The following NFIA variants were observed in gnomAD, a reference collection of about 807,000 sequenced individuals.
NFIA encodes nuclear factor I A, also known as nuclear factor 1 A-type.
Under a neutral mutation model 62.8 loss-of-function variants are expected in NFIA, and 8 were observed. That is an observed-to-expected ratio of 0.13 (90% CI 0.07 to 0.23). The LOEUF is 0.23. Ranked by LOEUF, NFIA falls within the 10% of genes least tolerant of loss-of-function variation. NFIA has a pLI of 1.00. For missense variants in NFIA, 410 were observed against 642.1 expected (o/e 0.64, Z 3.91); for synonymous variants, 235 against 238.1 (o/e 0.99, Z 0.12).
intron 2 of NFIA, among the ~76,000 whole-genome samples, chr1:61,096,370 T>C (rs572728366): frequency 6.6e-6 from 1 of 150,930 alleles, no homozygotes; most frequent in Non-Finnish European, 1.5e-5. Context: ...TGCACCCCCA[T>C]GCATGTAATT....
At chr1:61,193,511 AAT>A (rs1651784923) in intron 2 of NFIA, among the ~76,000 whole-genome samples, 1 of 152,214 alleles carries the variant, frequency 6.6e-6, no homozygotes, top group African/African-American at 2.4e-5. Context: ...AGGTGAAACA[AAT>A]AGTTTTTAAT....
intron 2 of NFIA, among the ~76,000 whole-genome samples, chr1:61,158,172 G>A (rs1011300527): frequency 2.6e-5 from 4 of 152,140 alleles, no homozygotes. Context: ...TTTCATCTTT[G>A]AAAATAATAG....
intron 3 of NFIA, among the ~76,000 whole-genome samples, chr1:61,301,042 T>C (rs1042575306): frequency 2.0e-5 from 3 of 152,074 alleles, no homozygotes; most frequent in African/African-American, 7.2e-5. Flanking sequence ...AACGTATGAT[T>C]AATCATGTGG....
intron 2 of NFIA, among the ~76,000 whole-genome samples, chr1:61,268,535 G>T (rs1417132977): frequency 6.6e-6 from 1 of 151,970 alleles, no homozygotes; most frequent in African/African-American, 2.4e-5. Flanking sequence ...AGTTCTGAGG[G>T]TCTTCTTCTT....
chr1:61,086,269 T>C (rs2100410767), intron 1 of NFIA, among the ~76,000 whole-genome samples: 1 of 152,210 alleles, frequency 6.6e-6, no homozygotes, highest in East Asian at 1.9e-4. Flanking sequence ...ACCTAAAATT[T>C]ATGTATTTTA....
intron 2 of NFIA, among the ~76,000 whole-genome samples, chr1:61,155,869 G>T (rs574375441): frequency 6.6e-6 from 1 of 152,216 alleles, no homozygotes; most frequent in East Asian, 1.9e-4. Context: ...GGGCGCGGTG[G>T]CTCACGCCTG....
rs1383287694 is a variant in NFIA, at chr1:61,232,440, CATGTT to C, written c.560-45077_560-45073del. Among the ~76,000 whole-genome samples the C allele has an allele frequency of 2.0e-5, 3 of 152,240 alleles. No individual in the cohort carries two copies. The East Asian group carries it at 5.8e-4, about 29-fold the overall frequency. ...TTTTATTGCCATGAGTTTGAGATGA[CATGTT>C]ATAAGTGGTAAAGCCACAAGTGAAT... is the stretch of plus-strand genomic sequence containing the variant. On this transcript the variant is annotated intron_variant, in intron 2 of 10. Coordinates refer to ENST00000403491, the MANE Select transcript of NFIA (RefSeq NM_001134673.4).
intron 4 of NFIA, among the ~76,000 whole-genome samples, chr1:61,350,469 A>G (rs1394030139): frequency 1.3e-5 from 2 of 152,126 alleles, no homozygotes; most frequent in Non-Finnish European, 2.9e-5. Flanking sequence ...CATCTCTACA[A>G]AAGAAATTTT....
chr1:61,318,132 A>G (rs578099991), intron 3 of NFIA, among the ~76,000 whole-genome samples: 5 of 152,160 alleles, frequency 3.3e-5, no homozygotes, highest in Non-Finnish European at 5.9e-5. Context: ...AGCCCTGAGT[A>G]TTTGTTTTTT....
At position 61,120,785 on chromosome 1, in the gene NFIA, G is replaced by C. The variant is rs185817549; in HGVS notation, c.559+32105G>C. 2.1e-3 allele frequency among the ~76,000 whole-genome samples: 326 copies of C among 152,230 alleles called. 2 individuals carry two copies. Among genetic ancestry groups the C allele is most frequent in the Middle Eastern group, 6.8e-3 (2 of 294 alleles). ...AAACTACTTTTTAAATAGCTTGCTG[G>C]TTCTAAATTTAAGGAGAATGGAAAT... On this transcript the variant is annotated intron_variant, in intron 2 of 10. Coordinates refer to ENST00000403491, the MANE Select transcript of NFIA (RefSeq NM_001134673.4).
intron 2 of NFIA, among the ~76,000 whole-genome samples, chr1:61,230,717 C>T (rs1240958791): frequency 6.6e-6 from 1 of 152,194 alleles, no homozygotes; most frequent in Non-Finnish European, 1.5e-5. Context: ...TCCTCACCCG[C>T]ATCCCGTTTT....
At chr1:61,362,211 C>A (rs1663335628) in intron 6 of NFIA, among the ~76,000 whole-genome samples, 1 of 152,054 alleles carries the variant, frequency 6.6e-6, no homozygotes, top group African/African-American at 2.4e-5. Flanking sequence ...CTTATGCAGG[C>A]CTGCATAGCT....
rs1171901984 is a variant in NFIA at position 61,387,468 on chromosome 1, C to CTG, written c.1075+4104_1075+4105insGT. Among the ~76,000 whole-genome samples, 7 of 95,486 alleles carry CTG rather than the reference C, an allele frequency of 7.3e-5. 1 individual carries two copies. The highest frequency in any genetic ancestry group is 2.9e-4 in the African/African-American group (7 of 24,260). The allele number at this position is 95,486 out of a possible 152,430, so 62.6% of individuals were successfully genotyped here. On this transcript the variant is annotated intron_variant, in intron 7 of 10. Coordinates refer to ENST00000403491, the MANE Select transcript of NFIA (RefSeq NM_001134673.4). ...TCCCCCAGATCAGCTCAAGCACTTT[C>CTG]TTTTTTTTTTTTTTTTTTTTTTTGA... is the stretch of plus-strand genomic sequence containing the variant.
At chr1:61,114,209 A>G (rs934836087) in intron 2 of NFIA, among the ~76,000 whole-genome samples, 3 of 152,210 alleles carry the variant, frequency 2.0e-5, no homozygotes, top group Non-Finnish European at 4.4e-5. Flanking sequence ...GATAAAACAC[A>G]TGTTATTTCT....
intron 6 of NFIA, among the ~76,000 whole-genome samples, chr1:61,361,823 G>A (rs918992379): frequency 2.4e-5 from 3 of 126,144 alleles, no homozygotes; most frequent in Non-Finnish European, 5.1e-5. Context: ...GTGTGTGTGT[G>A]TGTACGTACA....
At chr1:61,127,147 A>G (rs1278346047) in intron 2 of NFIA, among the ~76,000 whole-genome samples, 1 of 149,710 alleles carries the variant, frequency 6.7e-6, no homozygotes, top group Non-Finnish European at 1.5e-5. Context: ...GTGACAGAAC[A>G]AAACTCCCAT....
At chr1:61,354,087 T>C (rs764822177) in intron 5 of NFIA, among the ~76,000 whole-genome samples, 11 of 152,204 alleles carry the variant, frequency 7.2e-5, no homozygotes, top group Non-Finnish European at 1.6e-4. Context: ...TCCCCCTTTT[T>C]ATGTTTTCAC....
At chr1:61,288,450 A>G (rs1658650000) in intron 3 of NFIA, among the ~76,000 whole-genome samples, 1 of 152,232 alleles carries the variant, frequency 6.6e-6, no homozygotes, top group Non-Finnish European at 1.5e-5. Context: ...TCCTGCTTTA[A>G]AAAAGAATAG....
chr1:61,354,844 T>C (rs780267646), intron 5 of NFIA, among the ~76,000 whole-genome samples: 6 of 152,144 alleles, frequency 3.9e-5, no homozygotes, highest in Admixed American at 6.5e-5. Context: ...GTGAGTCCCT[T>C]GAACGACAGC....
Sources: allele counts gnomAD v4.1 joint callset (sites outside exome capture counted in the v4.1 genomes callset), GRCh38; gene constraint gnomAD v4.1.1; transcripts MANE v1.5; gene names NCBI Gene and HGNC (gene_info 2026-07-23, HGNC 2026-07-21).